HPSE2: variants seen among roughly 807,000 people sequenced by gnomAD.
HPSE2 encodes the protein inactive heparanase-2.
In HPSE2, 38 loss-of-function variants were observed where a neutral mutation model predicts 60.5. The ratio of observed to expected loss-of-function variants is 0.63; its 90% CI spans 0.48 to 0.82. The LOEUF is 0.82. HPSE2 is among the 40% of genes least tolerant of loss of function. The pLI is 0.00. For missense variants in HPSE2, 713 were observed against 740.4 expected (o/e 0.96, Z 0.43); for synonymous variants, 295 against 293.2 (o/e 1.01, Z -0.06).
intron 3 of HPSE2, among the ~76,000 whole-genome samples, chr10:98,810,031 T>A (rs187437612): frequency 6.6e-6 from 1 of 152,254 alleles, no homozygotes; most frequent in African/African-American, 2.4e-5. Flanking sequence ...GAAGTCAATT[T>A]GTATATTTCT....
chr10:98,645,906 C>T (rs1375099684), intron 6 of HPSE2, among the ~76,000 whole-genome samples: 1 of 152,092 alleles, frequency 6.6e-6, no homozygotes, highest in African/African-American at 2.4e-5. Flanking sequence ...ACCCGGGAGG[C>T]GGAGCTTGCA....
intron 9 of HPSE2, among the ~76,000 whole-genome samples, chr10:98,498,998 G>C (rs1941941600): frequency 6.6e-6 from 1 of 152,164 alleles, no homozygotes; most frequent in Non-Finnish European, 1.5e-5. Flanking sequence ...AGAAGTCTCG[G>C]ATTATGTTAA....
intron 3 of HPSE2, among the ~76,000 whole-genome samples, chr10:98,999,030 G>T (rs906537417): frequency 6.6e-6 from 1 of 152,106 alleles, no homozygotes; most frequent in African/African-American, 2.4e-5. Flanking sequence ...AAGAGGAGAG[G>T]GGTTTCTTAG....
intron 3 of HPSE2, among the ~76,000 whole-genome samples, chr10:98,776,014 A>T (rs1221663133): frequency 6.6e-6 from 1 of 152,120 alleles, no homozygotes; most frequent in African/African-American, 2.4e-5. Context: ...GTCCCTCCTC[A>T]GTCCCCACAA....
Position 98,700,920 on chromosome 10 carries a change from C to T in HPSE2, c.957-6973G>A, listed in dbSNP as rs1242494762. ...ACCATCACTGGCCATCAGAGAAATGCAAATCAAAACCACAATGAGATACCA... is the reference window on the plus strand; with the variant it reads ...ACCATCACTGGCCATCAGAGAAATGTAAATCAAAACCACAATGAGATACCA... On this transcript the variant is annotated intron_variant, in intron 5 of 11. Transcript: ENST00000370552. 1.1e-4 allele frequency among the ~76,000 whole-genome samples: 7 copies of T among 64,818 alleles called. 3 individuals carry two copies. Among genetic ancestry groups the T allele is most frequent in the Non-Finnish European group, 3.0e-4 (7 of 23,582 alleles). The allele number at this position is 64,818 out of a possible 152,430, so 42.5% of individuals were successfully genotyped here. A position where few individuals can be genotyped will look rare whatever the true frequency, so the allele number is the denominator to read the frequency against.
the HPSE2 span, among the ~76,000 whole-genome samples, chr10:99,277,610 C>T: frequency 1.3e-5 from 2 of 152,158 alleles, no homozygotes; most frequent in Admixed American, 6.5e-5. Context: ...ATGTTACAGG[C>T]ATCTAATAGA....
intron 3 of HPSE2, among the ~76,000 whole-genome samples, chr10:99,114,305 G>A (rs955124267): frequency 1.3e-5 from 2 of 152,132 alleles, no homozygotes; most frequent in Non-Finnish European, 2.9e-5. Flanking sequence ...CTGCATTTAA[G>A]TCACCGTCCA....
At chr10:98,993,606 A>C (rs762343781) in intron 3 of HPSE2, among the ~76,000 whole-genome samples, 7 of 152,302 alleles carry the variant, frequency 4.6e-5, no homozygotes, top group Non-Finnish European at 7.3e-5. Context: ...CTTTTAGTTA[A>C]GCTTCCATTT....
chr10:98,929,830 A>G (rs1190738857), intron 3 of HPSE2, among the ~76,000 whole-genome samples: 1 of 143,956 alleles, frequency 6.9e-6, no homozygotes, highest in African/African-American at 2.8e-5. Context: ...AAAAAAGTGA[A>G]TATTTCATGA....
chr10:98,686,436 C>G (rs1157939744), intron 6 of HPSE2, among the ~76,000 whole-genome samples: 3 of 152,100 alleles, frequency 2.0e-5, no homozygotes, highest in East Asian at 3.9e-4. Flanking sequence ...GGATCTTGCT[C>G]TGTCACCAAG....
At chr10:99,146,903 C>T (rs1225513788) in intron 2 of HPSE2, among the ~76,000 whole-genome samples, 2 of 152,074 alleles carry the variant, frequency 1.3e-5, no homozygotes, top group Admixed American at 1.3e-4. Context: ...AAGGATTACA[C>T]ACTAAAAGTG....
At chr10:98,542,826 T>C (rs1297464165) in intron 9 of HPSE2, among the ~76,000 whole-genome samples, 2 of 152,160 alleles carry the variant, frequency 1.3e-5, no homozygotes, top group East Asian at 3.8e-4. Context: ...CATGGGACTA[T>C]GTGAAAAGAC....
At chr10:99,256,764 T>C in the HPSE2 span, among the ~76,000 whole-genome samples, 1 of 152,140 alleles carries the variant, frequency 6.6e-6, no homozygotes, top group Non-Finnish European at 1.5e-5. Flanking sequence ...ATCAAGATTG[T>C]AGGTTATGGC....
chr10:98,852,967 G>A (rs1952218552), intron 3 of HPSE2, among the ~76,000 whole-genome samples: 1 of 152,152 alleles, frequency 6.6e-6, no homozygotes, highest in African/African-American at 2.4e-5. Context: ...TTATTTATTT[G>A]TTTACACAGC....
At chr10:99,077,713 T>C (rs1842993851) in intron 3 of HPSE2, among the ~76,000 whole-genome samples, 1 of 52,444 alleles carries the variant, frequency 1.9e-5, no homozygotes. Context: ...TGTATGTGTG[T>C]ATATATATGT....
intron 3 of HPSE2, among the ~76,000 whole-genome samples, chr10:99,072,464 A>C (rs1274781775): frequency 6.6e-6 from 1 of 152,234 alleles, no homozygotes; most frequent in Non-Finnish European, 1.5e-5. Context: ...GAAAAAGAAC[A>C]ACCAACCCCA....
chr10:99,149,562 T>C (rs540389939), intron 2 of HPSE2, among the ~76,000 whole-genome samples: 1 of 152,294 alleles, frequency 6.6e-6, no homozygotes, highest in African/African-American at 2.4e-5. Context: ...AATAGCTTAA[T>C]TGTAATGAAC....
intron 6 of HPSE2, among the ~76,000 whole-genome samples, chr10:98,650,551 T>C (rs1301980267): frequency 6.6e-6 from 1 of 152,210 alleles, no homozygotes; most frequent in Non-Finnish European, 1.5e-5. Context: ...TTTGAATTGA[T>C]TGAGTGTCTA....
rs909180802 is a variant in HPSE2 at position 98,766,942 on chromosome 10, CA to C, written c.611-22887del. ...CCTGTCTCAAAAACAAAAAACAAAA[CA>C]AAAAAAACCCCACAATATTAACTCA... On this transcript the variant is annotated intron_variant, in intron 3 of 11. Coordinates refer to ENST00000370552, the MANE Select transcript of HPSE2 (RefSeq NM_021828.5). Among the ~76,000 whole-genome samples, 9 of 151,538 alleles carry C rather than the reference CA, an allele frequency of 5.9e-5. No homozygotes were observed. The South Asian group carries it at 8.4e-4, about 14-fold the overall frequency.
Sources: allele counts gnomAD v4.1 joint callset (sites outside exome capture counted in the v4.1 genomes callset), GRCh38; gene constraint gnomAD v4.1.1; transcripts MANE v1.5; gene names NCBI Gene and HGNC (gene_info 2026-07-23, HGNC 2026-07-21).